Variants in NEK1 observed in about 807,000 individuals in gnomAD.
NEK1 encodes serine/threonine-protein kinase Nek1.
In NEK1, 137 loss-of-function variants were observed where a neutral mutation model predicts 182.1. That is an observed-to-expected ratio of 0.75 (90% CI 0.65 to 0.87). NEK1 has a LOEUF of 0.87. Ranked by LOEUF, NEK1 falls within the 40% of genes least tolerant of loss-of-function variation. The pLI is 0.00. For missense variants in NEK1, 1,391 were observed against 1,494.4 expected (o/e 0.93, Z 1.14); for synonymous variants, 513 against 492.2 (o/e 1.04, Z -0.56).
chr4:169,503,905 A>G (rs1580289768), intron 23 of NEK1, among the ~76,000 whole-genome samples: 1 of 152,178 alleles, frequency 6.6e-6, no homozygotes, highest in African/African-American at 2.4e-5. Context: ...AAGCTTCTGC[A>G]CAGCAAAGGA....
At chr4:169,597,164 A>G (rs914256603) in intron 5 of NEK1, among the ~76,000 whole-genome samples, 23 of 152,268 alleles carry the variant, frequency 1.5e-4, no homozygotes, top group Admixed American at 1.4e-3. Context: ...ATGTTCTAAT[A>G]AAAATAGCAT....
chr4:169,461,498 T>G (rs1056524996), intron 27 of NEK1, among the ~76,000 whole-genome samples: 1 of 152,092 alleles, frequency 6.6e-6, no homozygotes, highest in African/African-American at 2.4e-5. Context: ...TAAAGGCATA[T>G]AGTACTGATA....
chr4:169,597,452 A>C (rs1253001525), intron 5 of NEK1, among the ~76,000 whole-genome samples: 2 of 151,046 alleles, frequency 1.3e-5, no homozygotes, highest in Non-Finnish European at 1.5e-5. Context: ...CATCTCTACA[A>C]AAAAAAAATA....
chr4:169,426,288 T>G, intron 29 of NEK1, 54 bp from the exon 30 acceptor site: 1 of 1,424,196 alleles, frequency 7.0e-7, no homozygotes, highest in Non-Finnish European at 9.8e-7. Flanking sequence ...TTACCAGAAA[T>G]AAAAGTGCTC....
In NEK1 at chr4:169,581,398, T is replaced by C. The variant is rs1030998092; in HGVS notation, c.808-496A>G. Among the ~76,000 whole-genome samples the C allele has an allele frequency of 4.6e-5, 7 of 152,160 alleles. No individual in the cohort carries two copies. In the East Asian group the frequency reaches 1.2e-3, roughly 25 times the overall value. ...TCCTCCCATCTCAGCCTCCTATTAG[T>C]TGGGACCACAGGCGTGTGTCACCAT... On this transcript the variant is annotated intron_variant, in intron 10 of 35. Coordinates refer to ENST00000507142, the MANE Select transcript of NEK1 (RefSeq NM_001199397.3).
At chr4:169,467,986 T>C (rs1745243028) in intron 26 of NEK1, among the ~76,000 whole-genome samples, 1 of 151,730 alleles carries the variant, frequency 6.6e-6, no homozygotes, top group African/African-American at 2.4e-5. Context: ...CACATACAGA[T>C]TAAGAGGAAA....
At chr4:169,468,777 AC>A (rs920924172) in intron 26 of NEK1, among the ~76,000 whole-genome samples, 2 of 152,188 alleles carry the variant, frequency 1.3e-5, no homozygotes, top group Admixed American at 1.3e-4. Flanking sequence ...GCTATTAATT[AC>A]TGCCTGAATT....
At position 169,555,701 on chromosome 4, in the gene NEK1, T is replaced by C. The variant is rs1762063068; in HGVS notation, c.1562+19A>G. On this transcript the variant is annotated intron_variant, in intron 18 of 35. Coordinates refer to ENST00000507142, the MANE Select transcript of NEK1 (RefSeq NM_001199397.3). Reference sequence around the variant, plus strand: ...AAAATTACACACATGGATGAATTCATGGATCATCACAGTCCAACCTGTTTG... The same window carrying C: ...AAAATTACACACATGGATGAATTCACGGATCATCACAGTCCAACCTGTTTG... 6.2e-7 allele frequency: 1 copy of C among 1,613,650 alleles called. No homozygotes were observed. The highest frequency in any genetic ancestry group is 8.5e-7 in the Non-Finnish European group (1 of 1,179,642).
At chr4:169,472,555 C>A (rs1746199859) in intron 26 of NEK1, among the ~76,000 whole-genome samples, 1 of 152,242 alleles carries the variant, frequency 6.6e-6, no homozygotes, top group Non-Finnish European at 1.5e-5. Flanking sequence ...TCACTGGGAA[C>A]TGCAGACCAG....
chr4:169,495,899 T>C (rs1343809382), intron 23 of NEK1, among the ~76,000 whole-genome samples: 1 of 152,172 alleles, frequency 6.6e-6, no homozygotes, highest in African/African-American at 2.4e-5. Context: ...CTTTTTTGGT[T>C]CCATGTGAAC....
At position 169,538,125 on chromosome 4, in the gene NEK1, A is replaced by G. The variant is rs149143063; in HGVS notation, c.1563-214T>C. Among the ~76,000 whole-genome samples the G allele has an allele frequency of 4.2e-4, 64 of 152,064 alleles. 1 individual carries two copies. The East Asian group carries it at 0.011, about 27-fold the overall frequency. ...CAATACAAGTAAAATCTATAATTCT[A>G]CTCTAAGTCTTCACAAGATAGTTTC... is the stretch of plus-strand genomic sequence containing the variant. On this transcript the variant is annotated intron_variant, in intron 18 of 35. Transcript: ENST00000507142.
chr4:169,495,911 TTAAAG>T (rs1420828508), intron 23 of NEK1, among the ~76,000 whole-genome samples: 1 of 152,174 alleles, frequency 6.6e-6, no homozygotes, highest in African/African-American at 2.4e-5. Flanking sequence ...CATGTGAACT[TTAAAG>T]TAGTTTTTTC....
chr4:169,409,249 A>C (rs1156367545), intron 31 of NEK1, among the ~76,000 whole-genome samples: 1 of 151,962 alleles, frequency 6.6e-6, no homozygotes, highest in Admixed American at 6.5e-5. Flanking sequence ...GGTTCACGCC[A>C]TTCTCTTGCC....
chr4:169,571,490 T>TG (rs1340726025), intron 12 of NEK1, among the ~76,000 whole-genome samples: 1 of 152,114 alleles, frequency 6.6e-6, no homozygotes, highest in Non-Finnish European at 1.5e-5. Context: ...CGTAGAGGGA[T>TG]GGTTATTACT....
At chr4:169,522,236 T>C (rs1756190408) in intron 19 of NEK1, among the ~76,000 whole-genome samples, 1 of 152,230 alleles carries the variant, frequency 6.6e-6, no homozygotes, top group South Asian at 2.1e-4. Context: ...TTAAAACTTC[T>C]ATTTGTTTGC....
Position 169,410,799 on chromosome 4 carries a change from C to G in NEK1, c.3223-4052G>C, listed in dbSNP as rs544240668. ...TGCATTTGCTTTAACAAGAAATTCT[C>G]AAGTTTTCATAAAGCAGATCATTTT... On this transcript the variant is annotated intron_variant, in intron 31 of 35. Coordinates refer to ENST00000507142, the MANE Select transcript of NEK1 (RefSeq NM_001199397.3). 2.3e-4 allele frequency among the ~76,000 whole-genome samples: 35 copies of G among 152,300 alleles called. No homozygotes were observed. The East Asian group carries it at 6.2e-3, about 27-fold the overall frequency.
chr4:169,580,998 G>A, intron 10 of NEK1, 96 bp from the exon 11 acceptor site: 1 of 313,462 alleles, frequency 3.2e-6, no homozygotes, highest in South Asian at 3.0e-5. Context: ...TTTTTCAGTA[G>A]TAATTATGCT....
intron 23 of NEK1, among the ~76,000 whole-genome samples, chr4:169,490,217 C>T (rs1749802838): frequency 6.6e-6 from 1 of 152,180 alleles, no homozygotes; most frequent in Non-Finnish European, 1.5e-5. Context: ...GGACACTACA[C>T]TACCGTGCCT....
chr4:169,578,060 GATT>G (rs1766000852), intron 11 of NEK1, among the ~76,000 whole-genome samples: 1 of 152,002 alleles, frequency 6.6e-6, no homozygotes, highest in Non-Finnish European at 1.5e-5. Flanking sequence ...TTTATGAATT[GATT>G]ATTAAAGAAA....
Sources: gnomAD v4.1 joint callset for allele counts (sites outside exome capture counted in the v4.1 genomes callset) on GRCh38, gnomAD v4.1.1 for gene constraint, MANE v1.5 for transcripts, NCBI Gene and HGNC (gene_info 2026-07-23, HGNC 2026-07-21) for gene names.